AGPS: variants seen among roughly 807,000 people sequenced by gnomAD.
AGPS encodes the protein alkylglycerone phosphate synthase, also known as alkyldihydroxyacetonephosphate synthase, peroxisomal.
AGPS carries 26 observed loss-of-function variants against 90.7 expected under a neutral mutation model. The ratio of observed to expected loss-of-function variants is 0.29; its 90% confidence interval spans 0.21 to 0.40. The LOEUF is 0.40. Among genes scored for constraint, AGPS ranks in the 10% least tolerant of loss-of-function variants. AGPS has a pLI of 1.00. For synonymous variants in AGPS, 294 were observed against 285.3 expected (o/e 1.03, Z -0.31); for missense variants, 540 against 816.1 (o/e 0.66, Z 4.12).
In AGPS at chr2:177,526,421, G is replaced by A. The variant is rs2079088385; in HGVS notation, c.1855+2616G>A. Among the ~76,000 whole-genome samples the A allele has an allele frequency of 3.3e-5, 5 of 151,956 alleles. 1 individual carries two copies. In the South Asian group the frequency reaches 1.0e-3, roughly 32 times the overall value. ...ATTCTTGTATTTTTAGTAGAGACGG[G>A]TTTTCACCATGTTGGCCAGGCTGGT... On this transcript the variant is annotated intron_variant, in intron 19 of 19. Transcript: ENST00000264167.
chr2:177,414,060 C>T (rs987762803), intron 1 of AGPS, among the ~76,000 whole-genome samples: 7 of 152,068 alleles, frequency 4.6e-5, no homozygotes, highest in African/African-American at 1.2e-4. Flanking sequence ...TCTTGCCCCC[C>T]GCCCCTTTCC....
At chr2:177,478,586 C>A in intron 10 of AGPS, among the ~76,000 whole-genome samples, 1 of 152,100 alleles carries the variant, frequency 6.6e-6, no homozygotes, top group East Asian at 1.9e-4. Context: ...CTTCAAGTTT[C>A]ATATTCATTC....
At chr2:177,432,870 A>T (rs1451948699) in intron 2 of AGPS, among the ~76,000 whole-genome samples, 1 of 152,204 alleles carries the variant, frequency 6.6e-6, no homozygotes, top group Non-Finnish European at 1.5e-5. Context: ...ATGTGCTGAG[A>T]TCACATGGTG....
rs866092535 is a variant in AGPS at position 177,537,408 on chromosome 2, C to T, written c.1856-666C>T. Among the ~76,000 whole-genome samples, 4 of 151,790 alleles carry T rather than the reference C, an allele frequency of 2.6e-5. No homozygotes were observed. The South Asian group carries it at 6.2e-4, about 24-fold the overall frequency. ...ATGTAAAAGCAAAAGATTAAGTTTA[C>T]GATGGATTAGGTATTTGATTTATTT... On this transcript the variant is annotated intron_variant, in intron 19 of 19. Transcript: ENST00000264167.
At chr2:177,453,201 A>G (rs1282472938) in intron 8 of AGPS, among the ~76,000 whole-genome samples, 6 of 151,652 alleles carry the variant, frequency 4.0e-5, no homozygotes, top group Admixed American at 1.3e-4. Flanking sequence ...ATTGCTTTTC[A>G]TGAGAAATCT....
At position 177,393,020 on chromosome 2, in the gene AGPS, G is replaced by T. The variant is rs576982787; in HGVS notation, c.231G>T (p.Ala77=). The T allele has an allele frequency of 3.2e-6, 5 of 1,550,352 alleles. No individual in the cohort carries two copies. The highest frequency in any genetic ancestry group is 4.4e-6 in the Non-Finnish European group (5 of 1,146,794). The change falls in exon 1 of 20, where the codon GCG becomes GCT. Residue 77 remains alanine (A), a synonymous_variant. Transcript: ENST00000264167. ...ATAAPTATPA[A]QESGTIPKKR... is the part of the protein sequence containing the mutation. ...CAGCGCCCACGGCCACTCCCGCCGC[G>T]CAGGAGTCGGGCACCATCCCAAAGA...
chr2:177,502,660 G>A (rs550109384), intron 14 of AGPS, among the ~76,000 whole-genome samples: 51 of 151,882 alleles, frequency 3.4e-4, no homozygotes, highest in Non-Finnish European at 6.0e-4. Context: ...CAGACTCCTG[G>A]TCTCAAGCAG....
chr2:177,469,926 A>G (rs1453542565), intron 10 of AGPS, among the ~76,000 whole-genome samples: 1 of 152,226 alleles, frequency 6.6e-6, no homozygotes, highest in East Asian at 1.9e-4. Context: ...ACAGACAATT[A>G]TACAACAGCG....
At position 177,513,162 on chromosome 2, in the gene AGPS, A is replaced by G. The variant is rs527783261; in HGVS notation, c.1608-657A>G. On this transcript the variant is annotated intron_variant, in intron 16 of 19. Transcript: ENST00000264167. ...CAGGCTGGAGTGCAGTGGCGCAACC[A>G]TGGCTCACTGTAGTCCTGCCCTCCT... Among the ~76,000 whole-genome samples the G allele has an allele frequency of 2.6e-5, 4 of 152,202 alleles. No individual in the cohort carries two copies. The South Asian group carries it at 6.2e-4, about 24-fold the overall frequency.
chr2:177,429,496 G>A (rs897793878), intron 2 of AGPS, among the ~76,000 whole-genome samples: 1 of 152,106 alleles, frequency 6.6e-6, no homozygotes, highest in Non-Finnish European at 1.5e-5. Context: ...TGGGATTTTT[G>A]TGTGGTCTTT....
chr2:177,416,149 G>A (rs566845444), intron 1 of AGPS, among the ~76,000 whole-genome samples: 168 of 152,276 alleles, frequency 1.1e-3, no homozygotes, highest in Middle Eastern at 6.8e-3. Context: ...ATTACTAGTA[G>A]AGGAATAGTA....
intron 15 of AGPS, among the ~76,000 whole-genome samples, chr2:177,507,334 T>C (rs1470920366): frequency 6.6e-6 from 1 of 152,118 alleles, no homozygotes; most frequent in African/African-American, 2.4e-5. Flanking sequence ...AACAAAACAA[T>C]ATTGCTCTGG....
At chr2:177,393,561 A>G (rs1685085779) in intron 1 of AGPS, 3 of 985,318 alleles carry the variant, frequency 3.0e-6, no homozygotes, top group Non-Finnish European at 3.6e-6. Context: ...CTTAGGATCA[A>G]GATGTATTGA....
intron 9 of AGPS, among the ~76,000 whole-genome samples, chr2:177,462,449 A>G (rs890634496): frequency 8.6e-5 from 13 of 151,936 alleles, no homozygotes; most frequent in African/African-American, 2.7e-4. Flanking sequence ...CCCTCCCATA[A>G]ATAAACTCCT....
At chr2:177,439,384 A>T (rs943774002) in intron 5 of AGPS, among the ~76,000 whole-genome samples, 11 of 152,300 alleles carry the variant, frequency 7.2e-5, no homozygotes, top group African/African-American at 2.6e-4. Flanking sequence ...GCAGTTTCAG[A>T]TAACATGGTT....
At position 177,540,722 on chromosome 2, in the gene AGPS, A is replaced by G. The variant is rs1471377157; in HGVS notation, c.*2527A>G. ...TATTTGGTTTTCAGTACTGCATAAC[A>G]CTGACTTTCTTAAATTAGTCATAGT... is the stretch of plus-strand genomic sequence containing the variant. On this transcript the variant is annotated 3_prime_UTR_variant, in exon 20 of 20. Transcript: ENST00000264167. The G allele has an allele frequency of 1.3e-5, 2 of 152,134 alleles. No homozygotes were observed. The allele number at this position is 152,134 out of a possible 1,614,324, so 9.4% of individuals were successfully genotyped here.
chr2:177,425,622 G>A (rs111396251), intron 2 of AGPS, among the ~76,000 whole-genome samples: 334 of 95,156 alleles, frequency 3.5e-3, no homozygotes, highest in Non-Finnish European at 3.7e-3. Flanking sequence ...ACTCTGCCTA[G>A]AAAAAAAAAA....
intron 12 of AGPS, among the ~76,000 whole-genome samples, chr2:177,494,574 C>T (rs1348034442): frequency 6.6e-6 from 1 of 152,108 alleles, no homozygotes; most frequent in African/African-American, 2.4e-5. Context: ...TTTGGCCATA[C>T]TTATTTATAA....
Position 177,538,285 on chromosome 2 carries a change from AT to A in AGPS, c.*94del, listed in dbSNP as rs1415503694. 41 of 1,351,098 alleles carry A rather than the reference AT, an allele frequency of 3.0e-5. No individual in the cohort carries two copies. Among genetic ancestry groups the A allele is most frequent in the Middle Eastern group, 1.9e-4 (1 of 5,402 alleles). 83.7% of individuals were successfully genotyped at this position (1,351,098 alleles called of 1,614,324 possible). A position where few individuals can be genotyped will look rare whatever the true frequency, so the allele number is the denominator to read the frequency against. On this transcript the variant is annotated 3_prime_UTR_variant, in exon 20 of 20. Coordinates refer to ENST00000264167, the MANE Select transcript of AGPS (RefSeq NM_003659.4). ...AGTAATCAAATATATCATGGACTATATTTTGGATACATTTGTTTCTTTGGTT... is the reference window on the plus strand; with the variant it reads ...AGTAATCAAATATATCATGGACTATATTTGGATACATTTGTTTCTTTGGTT...
Sources: gnomAD v4.1 joint callset for allele counts (sites outside exome capture counted in the v4.1 genomes callset) on GRCh38, gnomAD v4.1.1 for gene constraint, MANE v1.5 for transcripts, NCBI Gene and HGNC (gene_info 2026-07-23, HGNC 2026-07-21) for gene names.